The following CADM1 variants were observed in gnomAD, a reference collection of about 807,000 sequenced individuals.
CADM1 encodes TSLC-1.
CADM1 carries 15 observed loss-of-function variants against 53.1 expected under a neutral mutation model. The observed-to-expected ratio is 0.28, with a 90% CI of 0.19 to 0.44. The LOEUF is 0.44. Ranked by LOEUF, CADM1 falls within the 20% of genes least tolerant of loss-of-function variation. The pLI is 1.00. For missense variants in CADM1, 434 were observed against 611.3 expected, an observed-to-expected ratio of 0.71 and a Z score of 3.06; for synonymous variants, 281 against 243.0, an observed-to-expected ratio of 1.16 and a Z score of -1.45.
At chr11:115,177,094 C>G (rs1319578177) in intron 11 of CADM1, among the ~76,000 whole-genome samples, 1 of 152,168 alleles carries the variant, frequency 6.6e-6, no homozygotes, top group Non-Finnish European at 1.5e-5. Context: ...GTTGCCTACC[C>G]ATAGGTGAGA....
intron 1 of CADM1, among the ~76,000 whole-genome samples, chr11:115,293,472 T>C (rs1298220834): frequency 6.6e-6 from 1 of 152,116 alleles, no homozygotes; most frequent in Admixed American, 6.5e-5. Flanking sequence ...TATTCTGCCC[T>C]CCAGAGACCC....
intron 1 of CADM1, among the ~76,000 whole-genome samples, chr11:115,252,070 C>T (rs909984089): frequency 2.0e-5 from 3 of 152,176 alleles, no homozygotes; most frequent in Non-Finnish European, 2.9e-5. Flanking sequence ...TTACCTATGA[C>T]TTATTTTTCA....
intron 5 of CADM1, 199 bp from the exon 6 acceptor site, chr11:115,218,190 A>G: frequency 1.7e-6 from 1 of 579,674 alleles, no homozygotes; most frequent in Non-Finnish European, 3.2e-6. Context: ...AGTGAACCGC[A>G]AATAGATAAG....
rs560821270 is a variant in CADM1 at position 115,243,064 on chromosome 11, GTT to G, written c.125-2646_125-2645del. ...AATGACAACAATAAAACAGAGTGAG[GTT>G]TTGTTTGTTTTCTAGAAACATTCTT... On this transcript the variant is annotated intron_variant, in intron 1 of 11. Coordinates refer to ENST00000331581, the MANE Select transcript of CADM1 (RefSeq NM_001301043.2). Among the ~76,000 whole-genome samples the G allele has an allele frequency of 2.1e-3, 326 of 152,306 alleles. 3 individuals are homozygous for G. Among genetic ancestry groups the G allele is most frequent in the African/African-American group, 7.5e-3 (313 of 41,558 alleles).
chr11:115,438,657 T>C (rs1948237731), intron 1 of CADM1, among the ~76,000 whole-genome samples: 1 of 152,194 alleles, frequency 6.6e-6, no homozygotes, highest in Admixed American at 6.5e-5. Context: ...GAATTTTTAG[T>C]AGGCTACATT....
intron 1 of CADM1, among the ~76,000 whole-genome samples, chr11:115,272,307 T>A (rs1943321314): frequency 1.3e-5 from 2 of 152,184 alleles, no homozygotes; most frequent in African/African-American, 2.4e-5. Flanking sequence ...AGTTCAGAAA[T>A]CAGTGAACAC....
At chr11:115,275,540 T>C (rs1348089981) in intron 1 of CADM1, among the ~76,000 whole-genome samples, 1 of 152,216 alleles carries the variant, frequency 6.6e-6, no homozygotes, top group Non-Finnish European at 1.5e-5. Flanking sequence ...TGTACACAGT[T>C]CTTTGGTAGC....
At position 115,176,195 on chromosome 11, in the gene CADM1, A is replaced by C; in HGVS notation, c.*279T>G. ...AAAACAAGGCACAGAATTTTCTGCA[A>C]TCTACTGAAACTAAATCCAAGTATC... On this transcript the variant is annotated 3_prime_UTR_variant, in exon 12 of 12. Transcript: ENST00000331581. The C allele has an allele frequency of 2.5e-6, 3 of 1,207,656 alleles. No individual in the cohort carries two copies. Among genetic ancestry groups the C allele is most frequent in the Non-Finnish European group, 3.1e-6 (3 of 957,460 alleles). 74.8% of individuals were successfully genotyped at this position (1,207,656 alleles called of 1,614,324 possible).
intron 1 of CADM1, chr11:115,397,404 C>T (rs566668984): frequency 1.3e-5 from 2 of 152,138 alleles, no homozygotes; most frequent in Non-Finnish European, 2.9e-5. Context: ...AAATGAACAA[C>T]TTCCAAGGAC....
chr11:115,406,768 G>A (rs1341353819), intron 1 of CADM1, among the ~76,000 whole-genome samples: 2 of 151,224 alleles, frequency 1.3e-5, no homozygotes, highest in African/African-American at 4.8e-5. Flanking sequence ...CCAACATGGT[G>A]AAACCCCATC....
intron 1 of CADM1, among the ~76,000 whole-genome samples, chr11:115,311,689 C>G (rs1296346592): frequency 2.0e-5 from 3 of 152,108 alleles, no homozygotes; most frequent in Non-Finnish European, 4.4e-5. Flanking sequence ...GGAAAACAGG[C>G]TGAGAGTGGG....
chr11:115,405,430 C>T (rs976744380), intron 1 of CADM1, among the ~76,000 whole-genome samples: 5 of 152,118 alleles, frequency 3.3e-5, no homozygotes, highest in Admixed American at 3.3e-4. Context: ...TCCAAGAAAG[C>T]CAAAGATGTC....
chr11:115,388,988 C>T (rs1946768133), intron 1 of CADM1, among the ~76,000 whole-genome samples: 1 of 151,910 alleles, frequency 6.6e-6, no homozygotes, highest in Non-Finnish European at 1.5e-5. Flanking sequence ...AATAATTATA[C>T]CATAGTTACA....
intron 1 of CADM1, among the ~76,000 whole-genome samples, chr11:115,477,391 T>C (rs1453772993): frequency 6.6e-6 from 1 of 152,202 alleles, no homozygotes; most frequent in Non-Finnish European, 1.5e-5. Flanking sequence ...AATGGTTATT[T>C]CTAAGAAGAG....
At chr11:115,186,749 T>C (rs1363536758) in intron 10 of CADM1, among the ~76,000 whole-genome samples, 3 of 152,230 alleles carry the variant, frequency 2.0e-5, no homozygotes, top group Non-Finnish European at 1.5e-5. Flanking sequence ...TGGCCTTCCC[T>C]GGTAAACTTT....
intron 1 of CADM1, among the ~76,000 whole-genome samples, chr11:115,443,849 AACATG>A: frequency 6.6e-6 from 1 of 152,332 alleles, no homozygotes; most frequent in Admixed American, 6.5e-5. Context: ...GGCAAATTAC[AACATG>A]ACCTATTAGA....
chr11:115,454,712 A>AG (rs1274055471), intron 1 of CADM1, among the ~76,000 whole-genome samples: 2 of 152,192 alleles, frequency 1.3e-5, no homozygotes, highest in Non-Finnish European at 1.5e-5. Flanking sequence ...TCCATGGGCA[A>AG]GGTCCTATCT....
chr11:115,428,009 A>C (rs1947937138), intron 1 of CADM1, among the ~76,000 whole-genome samples: 1 of 82,666 alleles, frequency 1.2e-5, no homozygotes, highest in South Asian at 3.0e-4. Context: ...CCATCTCAAA[A>C]AAAAAAAAAA....
At chr11:115,225,684 T>TA (rs1941579941) in intron 5 of CADM1, among the ~76,000 whole-genome samples, 1 of 152,236 alleles carries the variant, frequency 6.6e-6, no homozygotes, top group Non-Finnish European at 1.5e-5. Flanking sequence ...TAGCACTCCA[T>TA]TTTAAGGACA....
Sources: gnomAD v4.1 joint callset for allele counts (sites outside exome capture counted in the v4.1 genomes callset) on GRCh38, gnomAD v4.1.1 for gene constraint, MANE v1.5 for transcripts, NCBI Gene and HGNC (gene_info 2026-07-23, HGNC 2026-07-21) for gene names.